The following DOCK10 variants were observed in gnomAD, a reference collection of about 807,000 sequenced individuals.
DOCK10 encodes dedicator of cytokinesis 10.
DOCK10 carries 145 observed loss-of-function variants against 280.1 expected under a neutral mutation model. The observed-to-expected ratio is 0.52, with a 90% confidence interval of 0.45 to 0.59. The LOEUF is 0.59. Ranked by LOEUF, DOCK10 falls within the 20% of genes least tolerant of loss-of-function variation. The pLI is 0.00. For missense variants in DOCK10, 2,368 were observed against 2,651.7 expected (o/e 0.89, Z 2.35); for synonymous variants, 915 against 942.2 (o/e 0.97, Z 0.53).
At chr2:225,016,563 A>ATATCTATGTGCACATAGATACATG (rs1689598390) in intron 1 of DOCK10, among the ~76,000 whole-genome samples, 4 of 134,648 alleles carry the variant, frequency 3.0e-5, no homozygotes, top group African/African-American at 5.8e-5. Context: ...ATAGATACAT[A>ATATCTATGTGCACATAGATACATG]TATCTATGTG....
intron 11 of DOCK10, among the ~76,000 whole-genome samples, chr2:224,865,613 C>T (rs1487433453): frequency 1.3e-5 from 2 of 152,092 alleles, no homozygotes; most frequent in Non-Finnish European, 2.9e-5. Flanking sequence ...AACACTGTGG[C>T]AAGTAGGTAG....
chr2:224,921,173 G>A (rs936037516), intron 2 of DOCK10, among the ~76,000 whole-genome samples: 18 of 133,490 alleles, frequency 1.3e-4, no homozygotes, highest in African/African-American at 5.5e-4. Context: ...ATGGTGGCGG[G>A]CACCTGTAAT....
chr2:224,899,203 A>G (rs1032933496), intron 3 of DOCK10, among the ~76,000 whole-genome samples: 1 of 152,202 alleles, frequency 6.6e-6, no homozygotes, highest in African/African-American at 2.4e-5. Flanking sequence ...GAATATGAAT[A>G]TTGTTTTTTA....
chr2:224,875,691 GA>G (rs1698582781), intron 8 of DOCK10, among the ~76,000 whole-genome samples: 1 of 152,274 alleles, frequency 6.6e-6, no homozygotes, highest in South Asian at 2.1e-4. Context: ...CAGAGCATAA[GA>G]TTCATTAATT....
intron 1 of DOCK10, among the ~76,000 whole-genome samples, chr2:225,024,656 G>A (rs1367294559): frequency 6.6e-6 from 1 of 151,994 alleles, no homozygotes; most frequent in African/African-American, 2.4e-5. Flanking sequence ...TTGGGAGGCC[G>A]AGGTGGGCGG....
chr2:224,792,328 G>C (rs1039646946), intron 47 of DOCK10, among the ~76,000 whole-genome samples: 1 of 152,004 alleles, frequency 6.6e-6, no homozygotes, highest in African/African-American at 2.4e-5. Flanking sequence ...CTGTTGCCCA[G>C]GCTGGTGTAC....
rs35956360 is a variant in DOCK10, at chr2:224,916,540, CAAA to C, written c.333+152_333+154del. Among the ~76,000 whole-genome samples the C allele has an allele frequency of 8.2e-3, 906 of 110,914 alleles. 4 individuals carry two copies. The highest frequency in any genetic ancestry group is 0.028 in the African/African-American group (737 of 26,502). The allele number at this position is 110,914 out of a possible 152,430, so 72.8% of individuals were successfully genotyped here. On this transcript the variant is annotated intron_variant, in intron 3 of 55. Coordinates refer to ENST00000258390, the MANE Select transcript of DOCK10 (RefSeq NM_014689.3). ...TGGGTGACAGAGTGACACCCTCCCT[CAAA>C]AAAAAAAAAAAAAAAAAAAGACATC...
At chr2:224,838,303 T>TA (rs1261216720) in intron 24 of DOCK10, among the ~76,000 whole-genome samples, 1 of 152,236 alleles carries the variant, frequency 6.6e-6, no homozygotes, top group African/African-American at 2.4e-5. Flanking sequence ...GTAATTAGGT[T>TA]AAGATGCAGT....
intron 1 of DOCK10, among the ~76,000 whole-genome samples, chr2:225,036,523 A>T (rs1690263704): frequency 6.6e-6 from 1 of 152,192 alleles, no homozygotes; most frequent in Non-Finnish European, 1.5e-5. Flanking sequence ...GCAAATCACT[A>T]GGGGATCTTA....
chr2:225,037,166 T>C (rs1559989086), intron 1 of DOCK10, among the ~76,000 whole-genome samples: 1 of 152,190 alleles, frequency 6.6e-6, no homozygotes, highest in Non-Finnish European at 1.5e-5. Flanking sequence ...TGCAGGAGGA[T>C]TAACCTCATG....
At chr2:224,817,575 A>G (rs964983034) in intron 29 of DOCK10, among the ~76,000 whole-genome samples, 4 of 152,252 alleles carry the variant, frequency 2.6e-5, no homozygotes, top group African/African-American at 9.6e-5. Flanking sequence ...CAAAGTGAAC[A>G]GGAGCATTAT....
Position 224,797,937 on chromosome 2 carries a change from T to A in DOCK10, c.4539A>T (p.Ser1513=), listed in dbSNP as rs16866185. The A allele has an allele frequency of 1.4e-3, 2,210 of 1,613,852 alleles. 18 individuals are homozygous for A. The African/African-American group carries it at 0.017, about 12-fold the overall frequency. The change falls in exon 42 of 56, where the codon TCA becomes TCT. Residue 1513 remains serine, a synonymous_variant. Coordinates refer to ENST00000258390, the MANE Select transcript of DOCK10 (RefSeq NM_014689.3). The part of the protein sequence containing the change: ...RQLQQCDCQN[S]LMKRVFDTYM... ...AGGTATCAAAGACCCTTTTCATCAA[T>A]GAATTTTGACAGTCACATTGTTGGA...
At chr2:224,890,321 G>C (rs1324402245) in intron 4 of DOCK10, among the ~76,000 whole-genome samples, 2 of 152,208 alleles carry the variant, frequency 1.3e-5, no homozygotes, top group Admixed American at 6.5e-5. Flanking sequence ...ACAAGGAGGA[G>C]AGAAAGCCTT....
chr2:224,806,126 C>T lies in DOCK10; in HGVS notation c.3814G>A (p.Ala1272Thr), dbSNP rs745485127. The change falls in exon 34 of 56, where the codon GCA becomes ACA. Residue 1272 changes from alanine (A) to threonine (T), a missense_variant and splice_region_variant. Physicochemically the swap from Ala to Thr is moderately conservative, Grantham distance 58 (BLOSUM62 0). Transcript: ENST00000258390. ...AGTGTTCTCAGAAGATCTCAAGTAC[C>T]TGCTATGGAATTTAAAACATCTTTA... ...FSKDVLNSIAAFSSIAISTVN... is the reference protein window; with the variant it reads ...FSKDVLNSIATFSSIAISTVN... 6.4e-7 allele frequency: 1 copy of T among 1,564,914 alleles called. No homozygotes were observed. Among genetic ancestry groups the T allele is most frequent in the Non-Finnish European group, 8.8e-7 (1 of 1,139,620 alleles).
chr2:224,964,382 T>A (rs1264197849), intron 1 of DOCK10, among the ~76,000 whole-genome samples: 1 of 152,218 alleles, frequency 6.6e-6, no homozygotes, highest in African/African-American at 2.4e-5. Flanking sequence ...AATTCCTTAT[T>A]GAGGGCTTAA....
chr2:224,894,850 G>A (rs916456181), intron 4 of DOCK10, among the ~76,000 whole-genome samples: 15 of 152,250 alleles, frequency 9.9e-5, no homozygotes, highest in Non-Finnish European at 1.8e-4. Context: ...ATTCTCCATA[G>A]AGTAGCCCAA....
intron 40 of DOCK10, 119 bp from the exon 41 acceptor site, chr2:224,800,382 T>C: frequency 1.8e-6 from 1 of 561,422 alleles, no homozygotes; most frequent in Non-Finnish European, 3.1e-6. Flanking sequence ...AATAATTTAT[T>C]AAATCAAAGT....
At chr2:224,769,286 GA>G (rs1352670428) in intron 55 of DOCK10, among the ~76,000 whole-genome samples, 5 of 152,172 alleles carry the variant, frequency 3.3e-5, no homozygotes, top group African/African-American at 1.2e-4. Context: ...TGGAAAAACC[GA>G]AAAGAAGCAA....
chr2:224,984,971 G>A (rs1705929871), intron 1 of DOCK10, among the ~76,000 whole-genome samples: 1 of 151,820 alleles, frequency 6.6e-6, no homozygotes, highest in Non-Finnish European at 1.5e-5. Flanking sequence ...CCTCCTGAGT[G>A]GCTAGGACTA....
Sources: gnomAD v4.1 joint callset for allele counts (sites outside exome capture counted in the v4.1 genomes callset) on GRCh38, gnomAD v4.1.1 for gene constraint, MANE v1.5 for transcripts, NCBI Gene and HGNC (gene_info 2026-07-23, HGNC 2026-07-21) for gene names.